Variants in C8orf34 observed in about 807,000 individuals in gnomAD.
C8orf34 encodes uncharacterized protein C8orf34.
Under a neutral mutation model 68.3 loss-of-function variants are expected in C8orf34, and 65 were observed. The ratio of observed to expected loss-of-function variants is 0.95; its 90% CI spans 0.78 to 1.17. C8orf34 has a LOEUF of 1.17. C8orf34 is among the 50% of genes most tolerant of loss of function. The probability of loss-of-function intolerance (pLI) is 0.00; values close to 1 mark genes in which losing one functional copy is unlikely to be tolerated. For missense variants in C8orf34, 664 were observed against 655.4 expected, an observed-to-expected ratio of 1.01 and a Z score of -0.14; for synonymous variants, 244 against 241.2, an observed-to-expected ratio of 1.01 and a Z score of -0.11.
At chr8:68,462,966 A>G (rs1002138651) in intron 3 of C8orf34, among the ~76,000 whole-genome samples, 1 of 152,146 alleles carries the variant, frequency 6.6e-6, no homozygotes, top group Non-Finnish European at 1.5e-5. Flanking sequence ...GGAAATAGAG[A>G]CACAGAAAAC....
chr8:68,795,983 T>C (rs1414850562), intron 12 of C8orf34, among the ~76,000 whole-genome samples: 2 of 152,202 alleles, frequency 1.3e-5, no homozygotes, highest in Non-Finnish European at 2.9e-5. Flanking sequence ...GCAGCTTCCA[T>C]ATAAGTCAAG....
At chr8:68,807,527 A>G (rs1390655085) in intron 12 of C8orf34, among the ~76,000 whole-genome samples, 1 of 152,062 alleles carries the variant, frequency 6.6e-6, no homozygotes, top group Non-Finnish European at 1.5e-5. Context: ...CTAAAATTCT[A>G]GATATTATCT....
rs764334640 is a variant in C8orf34, at chr8:68,583,515, A to G, written c.1105+50366A>G. 7.2e-5 allele frequency among the ~76,000 whole-genome samples: 11 copies of G among 152,240 alleles called. No individual in the cohort carries two copies. In the East Asian group the frequency reaches 2.1e-3, roughly 29 times the overall value. On this transcript the variant is annotated intron_variant, in intron 7 of 13. Transcript: ENST00000518698. The stretch of plus-strand genomic sequence containing the variant: ...CACTCTATGGTGCTAATCTCAACAA[A>G]TTCTTCAGGTAAGTAATGACCCAGA...
intron 3 of C8orf34, among the ~76,000 whole-genome samples, chr8:68,459,726 T>C (rs986122420): frequency 1.3e-5 from 2 of 152,220 alleles, no homozygotes; most frequent in African/African-American, 4.8e-5. Flanking sequence ...ATTGCAGCAC[T>C]ATTCACAATA....
intron 3 of C8orf34, among the ~76,000 whole-genome samples, chr8:68,452,512 A>T (rs1416972357): frequency 1.3e-5 from 2 of 151,000 alleles, no homozygotes; most frequent in Non-Finnish European, 3.0e-5. Flanking sequence ...ATTTCCCTAA[A>T]GGTTAATAGT....
chr8:68,776,354 C>A, intron 10 of C8orf34, 45 bp from the exon 11 acceptor site: 1 of 1,445,356 alleles, frequency 6.9e-7, no homozygotes, highest in Non-Finnish European at 9.7e-7. Context: ...TTCTTTTTCT[C>A]TCCTTCTCCT....
intron 7 of C8orf34, among the ~76,000 whole-genome samples, chr8:68,553,384 C>CAAA (rs553767784): frequency 2.2e-4 from 3 of 13,630 alleles, no homozygotes; most frequent in African/African-American, 5.5e-4. Flanking sequence ...GACTCCATCT[C>CAAA]AAAAAAAAAA....
intron 1 of C8orf34, among the ~76,000 whole-genome samples, chr8:68,434,631 T>C: frequency 6.6e-6 from 1 of 152,216 alleles, no homozygotes; most frequent in Non-Finnish European, 1.5e-5. Context: ...AAAATAAAAG[T>C]ATTTGTTCCA....
chr8:68,741,094 G>A (rs1383575076), intron 10 of C8orf34, among the ~76,000 whole-genome samples: 1 of 152,096 alleles, frequency 6.6e-6, no homozygotes, highest in Non-Finnish European at 1.5e-5. Context: ...GTGAAGGGAG[G>A]GAGGGGGGAG....
chr8:68,555,968 T>C (rs1475124971), intron 7 of C8orf34, among the ~76,000 whole-genome samples: 1 of 152,182 alleles, frequency 6.6e-6, no homozygotes, highest in East Asian at 1.9e-4. Flanking sequence ...GGTTCACACC[T>C]GAGAGTGTCT....
chr8:68,387,420 G>A (rs1347156686), intron 1 of C8orf34, among the ~76,000 whole-genome samples: 2 of 152,144 alleles, frequency 1.3e-5, no homozygotes, highest in Non-Finnish European at 2.9e-5. Context: ...AGCAGGTGAG[G>A]ACTATTAAAT....
rs180893838 is a variant in C8orf34 at position 68,767,166 on chromosome 8, A to C, written c.1405-9233A>C. Reference sequence around the variant, plus strand: ...ATGAGATCTCACGCCACTGCACTCCAGCCTAGGCAACAGAGCAAGACTCTG... The same window carrying C: ...ATGAGATCTCACGCCACTGCACTCCCGCCTAGGCAACAGAGCAAGACTCTG... On this transcript the variant is annotated intron_variant, in intron 10 of 13. Transcript: ENST00000518698. Among the ~76,000 whole-genome samples the C allele has an allele frequency of 1.7e-3, 259 of 152,336 alleles. 2 individuals are homozygous for C. The highest frequency in any genetic ancestry group is 8.7e-4 in the Non-Finnish European group (59 of 68,034).
intron 10 of C8orf34, among the ~76,000 whole-genome samples, chr8:68,738,365 C>T (rs1323969905): frequency 3.3e-5 from 5 of 151,986 alleles, no homozygotes; most frequent in Non-Finnish European, 7.4e-5. Flanking sequence ...CTCAATTTAG[C>T]AATCTAACCT....
chr8:68,771,319 T>A (rs1049871235), intron 10 of C8orf34, among the ~76,000 whole-genome samples: 1 of 152,194 alleles, frequency 6.6e-6, no homozygotes, highest in Non-Finnish European at 1.5e-5. Flanking sequence ...GAAAGCTGAA[T>A]TTCGATCTCT....
intron 7 of C8orf34, among the ~76,000 whole-genome samples, chr8:68,543,510 A>C (rs1815767260): frequency 1.3e-5 from 2 of 152,132 alleles, no homozygotes; most frequent in South Asian, 2.1e-4. Flanking sequence ...TACTGTGCTA[A>C]ATGATTTCTG....
At chr8:68,443,583 T>G (rs1811001215) in intron 2 of C8orf34, among the ~76,000 whole-genome samples, 1 of 151,746 alleles carries the variant, frequency 6.6e-6, no homozygotes, top group African/African-American at 2.4e-5. Flanking sequence ...TTTTTTTGTA[T>G]TTTTAGTAGA....
intron 1 of C8orf34, among the ~76,000 whole-genome samples, chr8:68,404,005 G>A (rs745979402): frequency 4.6e-5 from 7 of 152,190 alleles, no homozygotes; most frequent in East Asian, 1.9e-4. Flanking sequence ...GTGTAAAAGC[G>A]TTCCTATTTC....
intron 8 of C8orf34, among the ~76,000 whole-genome samples, chr8:68,669,470 A>G (rs1194155869): frequency 6.6e-6 from 1 of 152,184 alleles, no homozygotes; most frequent in Non-Finnish European, 1.5e-5. Flanking sequence ...ACTTATTCGT[A>G]TTCTACTTTA....
rs761197839 is a variant in C8orf34, at chr8:68,468,675, A to AT, written c.608-9dup. 31 of 1,605,854 alleles carry AT rather than the reference A, an allele frequency of 1.9e-5. No individual in the cohort carries two copies. Among genetic ancestry groups the AT allele is most frequent in the Admixed American group, 5.1e-5 (3 of 58,628 alleles). On this transcript the variant is annotated splice_polypyrimidine_tract_variant and intron_variant, in intron 3 of 13. Coordinates refer to ENST00000518698, the MANE Select transcript of C8orf34 (RefSeq NM_052958.4). The stretch of plus-strand genomic sequence containing the variant: ...TATGTAGCATGCTTATGAAATTACC[A>AT]TTTTTTTTAAACATAGTGCCAAGGT...
Sources: gnomAD v4.1 joint callset for allele counts (sites outside exome capture counted in the v4.1 genomes callset) on GRCh38, gnomAD v4.1.1 for gene constraint, MANE v1.5 for transcripts, NCBI Gene and HGNC (gene_info 2026-07-23, HGNC 2026-07-21) for gene names.